GPD2: variants seen among roughly 807,000 people sequenced by gnomAD.
The protein encoded by GPD2 is glycerol-3-phosphate dehydrogenase, mitochondrial.
A neutral mutation model predicts 82.4 loss-of-function variants in GPD2; 54 were observed. The observed-to-expected ratio is 0.66, with a 90% CI of 0.53 to 0.82. GPD2 has a LOEUF of 0.82. GPD2 is among the 40% of genes least tolerant of loss of function. The pLI, the probability that GPD2 is intolerant of heterozygous loss-of-function variation, is 0.00. For synonymous variants in GPD2, 288 were observed against 306.1 expected (o/e 0.94, Z 0.62); for missense variants, 748 against 896.2 (o/e 0.83, Z 2.11).
intron 1 of GPD2, among the ~76,000 whole-genome samples, chr2:156,470,601 A>G (rs989446828): frequency 6.6e-6 from 1 of 152,188 alleles, no homozygotes; most frequent in Non-Finnish European, 1.5e-5. Context: ...CTTTTTAAAG[A>G]GATTTCAGAG....
chr2:156,556,362 G>A (rs1686962243), intron 8 of GPD2, among the ~76,000 whole-genome samples: 1 of 152,176 alleles, frequency 6.6e-6, no homozygotes, highest in Non-Finnish European at 1.5e-5. Context: ...CTGAAGATTT[G>A]TAGTGTTCTA....
At chr2:156,427,442 A>G in the GPD2 span, among the ~76,000 whole-genome samples, 10 of 152,210 alleles carry the variant, frequency 6.6e-5, no homozygotes. Context: ...TTGTTTTAGT[A>G]TTTATTAGTT....
At position 156,539,060 on chromosome 2, in the gene GPD2, C is replaced by T. The variant is rs527343419; in HGVS notation, c.662-10548C>T. Among the ~76,000 whole-genome samples the T allele has an allele frequency of 1.1e-3, 168 of 152,088 alleles. No homozygotes were observed. In the Middle Eastern group the frequency reaches 0.024, roughly 22 times the overall value. The stretch of plus-strand genomic sequence containing the variant: ...CCAAATAAACATTAATTCTGGGTTG[C>T]TGAGAGATGTTATTCTGATAACTGA... On this transcript the variant is annotated intron_variant, in intron 6 of 16. Coordinates refer to ENST00000438166, the MANE Select transcript of GPD2 (RefSeq NM_000408.5).
rs76651098 is a variant in GPD2 at position 156,490,034 on chromosome 2, T to A, written c.103-6010T>A. ...CAAGGCTTCTCCTAGAACCTCCAGA[T>A]CAATCCTTCAATAAAATCTGTATCC... On this transcript the variant is annotated intron_variant, in intron 2 of 16. Coordinates refer to ENST00000438166, the MANE Select transcript of GPD2 (RefSeq NM_000408.5). 2.0e-3 allele frequency among the ~76,000 whole-genome samples: 305 copies of A among 152,050 alleles called. 6 individuals carry two copies. In the East Asian group the frequency reaches 0.053, roughly 27 times the overall value.
At chr2:156,500,259 CTTA>C (rs1684540128) in intron 3 of GPD2, among the ~76,000 whole-genome samples, 1 of 152,008 alleles carries the variant, frequency 6.6e-6, no homozygotes. Context: ...TTGTATTTCT[CTTA>C]TTATGCTGGT....
At chr2:156,571,578 T>C (rs958903340) in intron 13 of GPD2, among the ~76,000 whole-genome samples, 2 of 152,182 alleles carry the variant, frequency 1.3e-5, no homozygotes, top group African/African-American at 2.4e-5. Context: ...CTGGTTTTCA[T>C]TGAAAACACT....
At chr2:156,507,016 CT>C (rs571078082) in intron 3 of GPD2, among the ~76,000 whole-genome samples, 281 of 146,834 alleles carry the variant, frequency 1.9e-3, no homozygotes, top group Non-Finnish European at 2.6e-3. Flanking sequence ...CATGCTACAT[CT>C]TTTTTTTTTT....
rs1410236444 is a variant in GPD2, at chr2:156,584,270, A to G, written c.*1352A>G. On this transcript the variant is annotated 3_prime_UTR_variant, in exon 17 of 17. Coordinates refer to ENST00000438166, the MANE Select transcript of GPD2 (RefSeq NM_000408.5). The stretch of plus-strand genomic sequence containing the variant: ...CTTCCTCTTGTAAAGTTAACTACTT[A>G]CTTTTTTGTTGTTGTTTTTTTAACA... The G allele has an allele frequency of 6.6e-6, 1 of 151,986 alleles. No individual in the cohort carries two copies. The highest frequency in any genetic ancestry group is 2.4e-5 in the African/African-American group (1 of 41,404). The allele number at this position is 151,986 out of a possible 1,614,324, so 9.4% of individuals were successfully genotyped here.
At chr2:156,499,048 G>A (rs1684490932) in intron 3 of GPD2, among the ~76,000 whole-genome samples, 2 of 152,160 alleles carry the variant, frequency 1.3e-5, no homozygotes, top group African/African-American at 4.8e-5. Context: ...AGGAAGGTAA[G>A]AGACTTGTTT....
chr2:156,407,525 A>G, the GPD2 span, among the ~76,000 whole-genome samples: 4 of 152,098 alleles, frequency 2.6e-5, no homozygotes, highest in Non-Finnish European at 4.4e-5. Context: ...TATTTTTTCT[A>G]TCTCACAATA....
chr2:156,439,533 AAAAAAAC>A (rs1682075194), intron 1 of GPD2, among the ~76,000 whole-genome samples: 6 of 114,812 alleles, frequency 5.2e-5, no homozygotes, highest in African/African-American at 1.4e-4. Context: ...AAAAAAAAAA[AAAAAAAC>A]AAAAAAAAAA....
intron 9 of GPD2, among the ~76,000 whole-genome samples, chr2:156,562,569 A>G (rs1032468083): frequency 1.2e-5 from 1 of 85,446 alleles, no homozygotes; most frequent in Non-Finnish European, 2.6e-5. Context: ...TGAAAGTGGC[A>G]AACATGAAAA....
upstream of GPD2, among the ~76,000 whole-genome samples, chr2:156,432,177 C>A (rs551534822): frequency 7.0e-4 from 107 of 152,270 alleles, no homozygotes; most frequent in African/African-American, 2.4e-3. Context: ...CATGAGCCAA[C>A]GTGCCCGGCC....
At position 156,484,388 on chromosome 2, in the gene GPD2, C is replaced by T. The variant is rs540921075; in HGVS notation, c.102+8181C>T. Among the ~76,000 whole-genome samples, 143 of 152,256 alleles carry T rather than the reference C, an allele frequency of 9.4e-4. 1 individual carries two copies. The South Asian group carries it at 0.028, about 30-fold the overall frequency. ...CTGACCTAGGGTGATCCGCCCGCCTCGGCCTCCCAAAGAGCCGGGATTACA... is the reference window on the plus strand; with the variant it reads ...CTGACCTAGGGTGATCCGCCCGCCTTGGCCTCCCAAAGAGCCGGGATTACA... On this transcript the variant is annotated intron_variant, in intron 2 of 16. Transcript: ENST00000438166.
At chr2:156,400,856 G>A in the GPD2 span, among the ~76,000 whole-genome samples, 1 of 152,220 alleles carries the variant, frequency 6.6e-6, no homozygotes, top group East Asian at 1.9e-4. Flanking sequence ...GCCGACGTTT[G>A]CTTTTTATTT....
At chr2:156,557,206 T>C (rs981970548) in intron 8 of GPD2, among the ~76,000 whole-genome samples, 183 bp from the exon 9 acceptor site, 1 of 152,204 alleles carries the variant, frequency 6.6e-6, no homozygotes. Context: ...TCATTCTGTT[T>C]TGTTATCTAA....
At chr2:156,523,873 G>T (rs1322254123) in intron 6 of GPD2, among the ~76,000 whole-genome samples, 1 of 152,100 alleles carries the variant, frequency 6.6e-6, no homozygotes, top group African/African-American at 2.4e-5. Context: ...CAAATATCTG[G>T]TTATGTTCAC....
intron 2 of GPD2, among the ~76,000 whole-genome samples, chr2:156,494,340 C>T (rs1266739835): frequency 1.3e-5 from 2 of 152,128 alleles, no homozygotes; most frequent in Non-Finnish European, 2.9e-5. Context: ...TGAGGATAAT[C>T]CAAAGATACA....
At chr2:156,408,662 C>T in the GPD2 span, among the ~76,000 whole-genome samples, 10 of 149,764 alleles carry the variant, frequency 6.7e-5, no homozygotes. Flanking sequence ...ATCTCTTGAG[C>T]CTGGAAAGTT....
Sources: allele counts gnomAD v4.1 joint callset (sites outside exome capture counted in the v4.1 genomes callset), GRCh38; gene constraint gnomAD v4.1.1; transcripts MANE v1.5; gene names NCBI Gene and HGNC (gene_info 2026-07-23, HGNC 2026-07-21).